Variants in MGAT4A observed in about 807,000 individuals in gnomAD.
MGAT4A encodes the protein N-acetylglucosaminyltransferase IVa.
In MGAT4A, 33 loss-of-function variants were observed where a neutral mutation model predicts 74.1. That is an observed-to-expected ratio of 0.45 (90% CI 0.34 to 0.60). The LOEUF (loss-of-function observed/expected upper bound fraction) is 0.60. Among genes scored for constraint, MGAT4A ranks in the 20% least tolerant of loss-of-function variants. MGAT4A has a pLI of 0.02. For missense variants in MGAT4A, 479 were observed against 628.3 expected (o/e 0.76, Z 2.54); for synonymous variants, 198 against 210.4 (o/e 0.94, Z 0.51).
intron 2 of MGAT4A, among the ~76,000 whole-genome samples, chr2:98,696,502 T>A (rs986874442): frequency 5.9e-5 from 9 of 152,240 alleles, no homozygotes; most frequent in Non-Finnish European, 1.5e-5. Flanking sequence ...CACTTTACTA[T>A]GTAATAGAAG....
rs925041072 is a variant in MGAT4A, at chr2:98,683,333, G to A, written c.95-4862C>T. 1.7e-4 allele frequency among the ~76,000 whole-genome samples: 26 copies of A among 152,220 alleles called. No homozygotes were observed. The South Asian group carries it at 4.6e-3, about 27-fold the overall frequency. ...GTTAAATTTCCTGAATTTGACACTC[G>A]AACTGTGGTAATGTAAGAGAATGTC... On this transcript the variant is annotated intron_variant, in intron 2 of 15. Coordinates refer to ENST00000393487, the MANE Select transcript of MGAT4A (RefSeq NM_012214.3).
chr2:98,707,988 G>A (rs1471363552), intron 2 of MGAT4A, among the ~76,000 whole-genome samples: 3 of 152,208 alleles, frequency 2.0e-5, no homozygotes, highest in Admixed American at 6.5e-5. Flanking sequence ...GTTCCACACT[G>A]TGAATCTACA....
chr2:98,619,691 T>C lies in MGAT4A; in HGVS notation c.*5875A>G, dbSNP rs1403889851. On this transcript the variant is annotated 3_prime_UTR_variant, in exon 16 of 16. Transcript: ENST00000393487. ...TCTTCAAAAGATATTTTCACCAAAT[T>C]TGAGCAAACACTGAGCATTTCAAAT... 2.6e-5 allele frequency: 4 copies of C among 152,282 alleles called. No individual in the cohort carries two copies. Among genetic ancestry groups the C allele is most frequent in the Non-Finnish European group, 5.9e-5 (4 of 68,028 alleles). The allele number at this position is 152,282 out of a possible 1,614,324, so 9.4% of individuals were successfully genotyped here. A position where few individuals can be genotyped will look rare whatever the true frequency, so the allele number is the denominator to read the frequency against.
At chr2:98,704,881 C>G (rs567227194) in intron 2 of MGAT4A, among the ~76,000 whole-genome samples, 5 of 152,190 alleles carry the variant, frequency 3.3e-5, no homozygotes, top group Admixed American at 2.0e-4. Flanking sequence ...GTGCTGAGAC[C>G]AATAAGGTCA....
intron 2 of MGAT4A, among the ~76,000 whole-genome samples, chr2:98,709,601 C>A (rs568293731): frequency 6.6e-6 from 1 of 152,312 alleles, no homozygotes; most frequent in Non-Finnish European, 1.5e-5. Context: ...TGGTAGCCAA[C>A]CACTGGACAT....
At chr2:98,698,244 G>A (rs1282905277) in intron 2 of MGAT4A, among the ~76,000 whole-genome samples, 13 of 151,958 alleles carry the variant, frequency 8.6e-5, no homozygotes, top group East Asian at 1.9e-4. Context: ...GTGAAAACCC[G>A]TCTCTACTAA....
chr2:98,638,061 C>T (rs771820231), intron 12 of MGAT4A, among the ~76,000 whole-genome samples: 1 of 152,152 alleles, frequency 6.6e-6, no homozygotes, highest in Non-Finnish European at 1.5e-5. Flanking sequence ...TTACTTCCTA[C>T]AGCTGCGTGT....
At position 98,622,337 on chromosome 2, in the gene MGAT4A, C is replaced by T. The variant is rs531669030; in HGVS notation, c.*3229G>A. ...TGTGGTGGCCACTAGCTCCACATGGCCACTGAGTACTTGGAATGTCACTAG... is the reference window on the plus strand; with the variant it reads ...TGTGGTGGCCACTAGCTCCACATGGTCACTGAGTACTTGGAATGTCACTAG... On this transcript the variant is annotated 3_prime_UTR_variant, in exon 16 of 16. Transcript: ENST00000393487. 11 of 985,432 alleles carry T rather than the reference C, an allele frequency of 1.1e-5. No individual in the cohort carries two copies. The African/African-American group carries it at 1.9e-4, about 17-fold the overall frequency. The allele number at this position is 985,432 out of a possible 1,614,324, so 61.0% of individuals were successfully genotyped here. A position where few individuals can be genotyped will look rare whatever the true frequency, so the allele number is the denominator to read the frequency against.
At chr2:98,681,684 G>C (rs1052555123) in intron 2 of MGAT4A, among the ~76,000 whole-genome samples, 5 of 152,150 alleles carry the variant, frequency 3.3e-5, no homozygotes, top group Non-Finnish European at 5.9e-5. Flanking sequence ...GGCCGGGCGT[G>C]ATAGCTCACC....
chr2:98,623,315 A>T lies in MGAT4A; in HGVS notation c.*2251T>A. Reference sequence around the variant, plus strand: ...AGGCTGTCTTTAAAGAAGTTGTAACAAATCACACCAGGTGCTGCAATAACT... The same window carrying T: ...AGGCTGTCTTTAAAGAAGTTGTAACTAATCACACCAGGTGCTGCAATAACT... On this transcript the variant is annotated 3_prime_UTR_variant, in exon 16 of 16. Transcript: ENST00000393487. 4 of 985,468 alleles carry T rather than the reference A, an allele frequency of 4.1e-6. No individual in the cohort carries two copies. Among genetic ancestry groups the T allele is most frequent in the Non-Finnish European group, 4.8e-6 (4 of 829,946 alleles). The allele number at this position is 985,468 out of a possible 1,614,324, so 61.0% of individuals were successfully genotyped here.
rs1701055893 is a variant in MGAT4A, at chr2:98,621,166, CAT to C, written c.*4398_*4399del. ...TTAAAACACCACTGATTTATTATCT[CAT>C]AGTTCTGTAGGTCAGAAGTCCAAGC... On this transcript the variant is annotated 3_prime_UTR_variant, in exon 16 of 16. Coordinates refer to ENST00000393487, the MANE Select transcript of MGAT4A (RefSeq NM_012214.3). The C allele has an allele frequency of 5.3e-6, 2 of 378,138 alleles. No individual in the cohort carries two copies. Among genetic ancestry groups the C allele is most frequent in the African/African-American group, 2.1e-5 (1 of 48,118 alleles). 23.4% of individuals were successfully genotyped at this position (378,138 alleles called of 1,614,324 possible). A position where few individuals can be genotyped will look rare whatever the true frequency, so the allele number is the denominator to read the frequency against.
chr2:98,721,600 C>CTT (rs1702672473), intron 2 of MGAT4A, among the ~76,000 whole-genome samples: 1 of 151,950 alleles, frequency 6.6e-6, no homozygotes, highest in Non-Finnish European at 1.5e-5. Context: ...TGGTTTGCAA[C>CTT]ATTAACAGAT....
intron 2 of MGAT4A, chr2:98,725,891 C>T (rs1432780052): frequency 2.8e-6 from 1 of 352,768 alleles, no homozygotes; most frequent in African/African-American, 2.1e-5. Flanking sequence ...ACACTCGGTA[C>T]AAGGAAGCTT....
Position 98,639,894 on chromosome 2 carries a change from G to GT in MGAT4A, c.1235dup (p.Tyr412Ter). ...TAGCCCAGAAGAAATCCTCTCCCAT[G>GT]TAAGTTTTCTCCAGCGTATGCCCTT... The part of the protein sequence containing the change: ...VYQGHTLEKT[Y>*]MGEDFFWAIT... Residue 412 changes from tyrosine to a stop codon, truncating the protein, a stop_gained and frameshift_variant, in exon 12 of 16, where the codon TAC becomes TAAC. Coordinates refer to ENST00000393487, the MANE Select transcript of MGAT4A (RefSeq NM_012214.3). LOFTEE classifies it high-confidence loss of function. 2 of 1,614,142 alleles carry GT rather than the reference G, an allele frequency of 1.2e-6. No individual in the cohort carries two copies. The highest frequency in any genetic ancestry group is 1.7e-6 in the Non-Finnish European group (2 of 1,179,994).
At position 98,620,910 on chromosome 2, in the gene MGAT4A, G is replaced by A. The variant is rs930864487; in HGVS notation, c.*4656C>T. On this transcript the variant is annotated 3_prime_UTR_variant, in exon 16 of 16. Coordinates refer to ENST00000393487, the MANE Select transcript of MGAT4A (RefSeq NM_012214.3). ...TTTACCAAACGCTACTCAGTAAGAT[G>A]CTGCAACTTTGCCAACAAACGTCCA... The A allele has an allele frequency of 6.6e-6, 1 of 152,516 alleles. No individual in the cohort carries two copies. The highest frequency in any genetic ancestry group is 2.4e-5 in the African/African-American group (1 of 41,426). 9.4% of individuals were successfully genotyped at this position (152,516 alleles called of 1,614,324 possible).
chr2:98,663,926 G>A (rs1370452740), intron 4 of MGAT4A, among the ~76,000 whole-genome samples: 1 of 152,138 alleles, frequency 6.6e-6, no homozygotes, highest in Non-Finnish European at 1.5e-5. Flanking sequence ...AAAACTTTGT[G>A]ACCAGGCACA....
chr2:98,702,360 C>A (rs1702365396), intron 2 of MGAT4A, among the ~76,000 whole-genome samples: 1 of 152,226 alleles, frequency 6.6e-6, no homozygotes, highest in South Asian at 2.1e-4. Flanking sequence ...TGCCATGAGG[C>A]TGCTGTTCTA....
chr2:98,635,660 T>G (rs1253237708), intron 13 of MGAT4A, among the ~76,000 whole-genome samples: 1 of 152,008 alleles, frequency 6.6e-6, no homozygotes, highest in Admixed American at 6.6e-5. Context: ...CACATAGAAT[T>G]TGGACTCAAA....
intron 4 of MGAT4A, among the ~76,000 whole-genome samples, chr2:98,666,252 A>G (rs1017814626): frequency 1.2e-4 from 18 of 152,260 alleles, no homozygotes; most frequent in African/African-American, 4.3e-4. Flanking sequence ...GGGTGACTTG[A>G]GTAACTGGAC....
Sources: allele counts gnomAD v4.1 joint callset (sites outside exome capture counted in the v4.1 genomes callset), GRCh38; gene constraint gnomAD v4.1.1; transcripts MANE v1.5; gene names NCBI Gene and HGNC (gene_info 2026-07-23, HGNC 2026-07-21).